The following FYB1 variants were observed in gnomAD, a reference collection of about 807,000 sequenced individuals.
FYB1 encodes the protein FYN-binding protein 1.
FYB1 carries 41 observed loss-of-function variants against 94.1 expected under a neutral mutation model. The ratio of observed to expected loss-of-function variants is 0.44; its 90% CI spans 0.34 to 0.57. The LOEUF (loss-of-function observed/expected upper bound fraction) is 0.57. FYB1 is among the 20% of genes least tolerant of loss of function. FYB1 has a pLI of 0.02. For synonymous variants in FYB1, 367 were observed against 353.2 expected (o/e 1.04, Z -0.44); for missense variants, 1,050 against 976.8 (o/e 1.07, Z -1.00).
chr5:39,202,944 G>A lies in FYB1; in HGVS notation c.17C>T (p.Thr6Met), dbSNP rs749688119. ...GACATCCTCTGTCGGGTTGCCCCCC[G>A]TGTTATATTTCGCCATGAGGGACTT... MAKYNTGGNPTEDVSV... is the reference protein window; with the variant it reads MAKYNMGGNPTEDVSV... Residue 6 changes from threonine (T) to methionine (M), a missense_variant, in exon 2 of 19, where the codon ACG (threonine) becomes ATG (methionine). Coordinates refer to ENST00000512982, the MANE Select transcript of FYB1 (RefSeq NM_001465.6). 3.2e-5 allele frequency: 52 copies of A among 1,613,860 alleles called. No individual in the cohort carries two copies. The highest frequency in any genetic ancestry group is 1.2e-4 in the Admixed American group (7 of 60,010).
intron 1 of FYB1, chr5:39,210,917 T>C (rs935721334): frequency 6.6e-6 from 1 of 152,190 alleles, no homozygotes; most frequent in Non-Finnish European, 1.5e-5. Context: ...TATATGTTTT[T>C]GAGTTCTTGA....
At chr5:39,119,388 CTG>C in intron 15 of FYB1, 145 bp downstream of exon 15, 1 of 540,992 alleles carries the variant, frequency 1.8e-6, no homozygotes, top group East Asian at 3.3e-5. Flanking sequence ...TAACGGCTAA[CTG>C]TAATATTGAT....
intron 3 of FYB1, among the ~76,000 whole-genome samples, chr5:39,151,674 A>G (rs574294564): frequency 7.9e-5 from 12 of 152,144 alleles, no homozygotes; most frequent in Non-Finnish European, 1.5e-4. Flanking sequence ...CTGAACTCCT[A>G]TTACAAAAGC....
At chr5:39,110,887 G>T in intron 16 of FYB1, 1 of 261,222 alleles carries the variant, frequency 3.8e-6, no homozygotes, top group Non-Finnish European at 7.5e-6. Flanking sequence ...ACTACTAGGG[G>T]GACTATGCAT....
intron 3 of FYB1, among the ~76,000 whole-genome samples, chr5:39,151,891 G>A (rs1743282967): frequency 6.6e-6 from 1 of 152,172 alleles, no homozygotes; most frequent in African/African-American, 2.4e-5. Flanking sequence ...TCTTCTTACA[G>A]ACTACCCCAT....
At chr5:39,135,337 C>T (rs1741589000) in intron 7 of FYB1, among the ~76,000 whole-genome samples, 1 of 152,222 alleles carries the variant, frequency 6.6e-6, no homozygotes, top group Admixed American at 6.5e-5. Flanking sequence ...GTACAACAAT[C>T]CATGCTGTGT....
intron 3 of FYB1, among the ~76,000 whole-genome samples, chr5:39,142,172 C>A (rs1029326540): frequency 6.6e-6 from 1 of 152,106 alleles, no homozygotes; most frequent in Non-Finnish European, 1.5e-5. Flanking sequence ...TCAGCTGTAT[C>A]CCCCCTGCTT....
At chr5:39,274,285 T>C (rs1182948705) in intron 1 of FYB1, 2 of 152,240 alleles carry the variant, frequency 1.3e-5, no homozygotes, top group Non-Finnish European at 2.9e-5. Context: ...TTTTCTTTTT[T>C]ATAACCCGAA....
At chr5:39,206,034 G>A (rs536923054) in intron 1 of FYB1, among the ~76,000 whole-genome samples, 17 of 152,232 alleles carry the variant, frequency 1.1e-4, no homozygotes, top group Non-Finnish European at 2.2e-4. Flanking sequence ...ACCAAATTCC[G>A]AAGTTACAAT....
At chr5:39,254,168 A>G (rs1751842933) in intron 1 of FYB1, among the ~76,000 whole-genome samples, 1 of 152,102 alleles carries the variant, frequency 6.6e-6, no homozygotes, top group Non-Finnish European at 1.5e-5. Context: ...ACGTGCATGT[A>G]TCTTTATAAT....
At chr5:39,256,436 G>A (rs537974814) in intron 1 of FYB1, among the ~76,000 whole-genome samples, 3 of 152,222 alleles carry the variant, frequency 2.0e-5, no homozygotes, top group African/African-American at 4.8e-5. Context: ...TATTACGTAC[G>A]GGTTTTCATG....
rs1008061695 is a variant in FYB1, at chr5:39,202,654, G to A, written c.307C>T (p.Pro103Ser). 1.9e-6 allele frequency: 3 copies of A among 1,613,740 alleles called. No homozygotes were observed. Among genetic ancestry groups the A allele is most frequent in the Non-Finnish European group, 2.5e-6 (3 of 1,179,888 alleles). ...GTPASLTTRDPEAKVGFLKPV... is the reference protein window; with the variant it reads ...GTPASLTTRDSEAKVGFLKPV... ...TTCAGAAATCCCACTTTCGCCTCGG[G>A]GTCTCTGGTGGTCAAGCTGGCTGGT... The change falls in exon 2 of 19, where the codon CCC becomes TCC. Residue 103 changes from proline to serine, a missense_variant. Pro to Ser is a moderately conservative substitution (Grantham distance 74, BLOSUM62 -1). Coordinates refer to ENST00000512982, the MANE Select transcript of FYB1 (RefSeq NM_001465.6).
chr5:39,137,786 T>C (rs1580359212), intron 6 of FYB1, 66 bp from the exon 7 acceptor site: 3 of 1,539,042 alleles, frequency 1.9e-6, no homozygotes, highest in South Asian at 1.2e-5. Flanking sequence ...ACTCCCTACC[T>C]AGAAGTTTCT....
chr5:39,109,166 C>A (rs1738822173), intron 17 of FYB1, among the ~76,000 whole-genome samples: 1 of 152,002 alleles, frequency 6.6e-6, no homozygotes, highest in Non-Finnish European at 1.5e-5. Flanking sequence ...CAGCAGCAGG[C>A]CCTTCAAACT....
At chr5:39,156,763 G>GAC (rs1743799938) in intron 2 of FYB1, among the ~76,000 whole-genome samples, 1 of 152,100 alleles carries the variant, frequency 6.6e-6, no homozygotes, top group Non-Finnish European at 1.5e-5. Flanking sequence ...AATGTCTAAC[G>GAC]ATTGACATTA....
chr5:39,123,044 G>A (rs965739619), intron 13 of FYB1, among the ~76,000 whole-genome samples: 2 of 152,114 alleles, frequency 1.3e-5, no homozygotes, highest in African/African-American at 4.8e-5. Flanking sequence ...AATCATTAAA[G>A]CTTTTTCTCC....
intron 1 of FYB1, 109 bp downstream of exon 1, chr5:39,219,334 T>C: frequency 3.1e-6 from 2 of 636,350 alleles, no homozygotes; most frequent in Non-Finnish European, 3.9e-6. Context: ...TTTCCTTCAG[T>C]TATTCAGCTA....
chr5:39,188,192 A>G (rs1747021340), intron 2 of FYB1, among the ~76,000 whole-genome samples: 1 of 152,220 alleles, frequency 6.6e-6, no homozygotes, highest in African/African-American at 2.4e-5. Flanking sequence ...ATTATCTGCC[A>G]TAGCAAAGAA....
chr5:39,262,842 T>C (rs1255115547), intron 1 of FYB1, among the ~76,000 whole-genome samples: 1 of 152,108 alleles, frequency 6.6e-6, no homozygotes, highest in African/African-American at 2.4e-5. Context: ...ACTATATGTT[T>C]GGAGATATTA....
Sources: gnomAD v4.1 joint callset for allele counts (sites outside exome capture counted in the v4.1 genomes callset) on GRCh38, gnomAD v4.1.1 for gene constraint, MANE v1.5 for transcripts, NCBI Gene and HGNC (gene_info 2026-07-23, HGNC 2026-07-21) for gene names.